Variants in TRERF1 observed in about 807,000 individuals in gnomAD.
TRERF1 encodes the protein transcriptional regulating factor 1.
A neutral mutation model predicts 122.9 loss-of-function variants in TRERF1; 27 were observed. The ratio of observed to expected loss-of-function variants is 0.22; its 90% CI spans 0.16 to 0.30. TRERF1 has a LOEUF of 0.30. Ranked by LOEUF, TRERF1 falls within the 10% of genes least tolerant of loss-of-function variation. TRERF1 has a pLI of 1.00. For missense variants in TRERF1, 1,248 were observed against 1,560.3 expected (o/e 0.80, Z 3.37); for synonymous variants, 636 against 641.7 (o/e 0.99, Z 0.13).
At chr6:42,264,810 T>G (rs774595813) in exon 7 of TRERF1, 4 of 1,614,196 alleles carry the variant, frequency 2.5e-6, no homozygotes, top group Non-Finnish European at 3.4e-6. Context: ...TGTCAGCTTG[T>G]TCTTGGCATC....
chr6:42,422,588 G>T (rs1284827405), intron 2 of TRERF1, among the ~76,000 whole-genome samples: 6 of 151,104 alleles, frequency 4.0e-5, no homozygotes, highest in Non-Finnish European at 8.8e-5. Flanking sequence ...GAACCATGCA[G>T]ATCTACTCTG....
At chr6:42,328,466 T>C (rs945651415) in intron 3 of TRERF1, among the ~76,000 whole-genome samples, 5 of 152,112 alleles carry the variant, frequency 3.3e-5, no homozygotes, top group Non-Finnish European at 7.4e-5. Flanking sequence ...TAGGAGGCAA[T>C]AGTTATTTTT....
intron 2 of TRERF1, among the ~76,000 whole-genome samples, chr6:42,390,987 G>T (rs1777639417): frequency 6.6e-6 from 1 of 152,188 alleles, no homozygotes; most frequent in Non-Finnish European, 1.5e-5. Flanking sequence ...AATGCTTTGT[G>T]AGTGGGACCC....
intron 10 of TRERF1, among the ~76,000 whole-genome samples, chr6:42,257,839 G>A (rs529149949): frequency 3.4e-4 from 52 of 152,254 alleles, no homozygotes; most frequent in Non-Finnish European, 7.1e-4. Flanking sequence ...TGAGCCACCC[G>A]GAGGGAGATG....
intron 12 of TRERF1, among the ~76,000 whole-genome samples, 154 bp downstream of exon 12, chr6:42,256,574 C>T (rs1482113742): frequency 1.3e-5 from 2 of 150,000 alleles, no homozygotes; most frequent in African/African-American, 4.9e-5. Flanking sequence ...ACATCCTGAC[C>T]TACCCACCGA....
chr6:42,287,040 G>T (rs1393949336), intron 4 of TRERF1, among the ~76,000 whole-genome samples: 4 of 146,440 alleles, frequency 2.7e-5, no homozygotes, highest in Admixed American at 6.8e-5. Context: ...ACTATCGCAA[G>T]AACAAAAAAA....
chr6:42,366,254 G>A (rs904498762), intron 2 of TRERF1, among the ~76,000 whole-genome samples: 5 of 152,186 alleles, frequency 3.3e-5, no homozygotes, highest in African/African-American at 7.2e-5. Context: ...GCAATGAATC[G>A]TGTATTGACA....
At chr6:42,270,768 C>CTTTTTTT in intron 4 of TRERF1, among the ~76,000 whole-genome samples, 1 of 119,622 alleles carries the variant, frequency 8.4e-6, no homozygotes, top group Non-Finnish European at 1.8e-5. Context: ...GACCTCATCT[C>CTTTTTTT]TTTTTTTTTT....
At chr6:42,299,711 A>G (rs932352163) in intron 4 of TRERF1, among the ~76,000 whole-genome samples, 1 of 152,252 alleles carries the variant, frequency 6.6e-6, no homozygotes, top group Admixed American at 6.5e-5. Flanking sequence ...TTGCAGAGAT[A>G]AAAATGTAAA....
rs1371834207 is a variant in TRERF1 at position 42,268,027 on chromosome 6, T to A, written c.1437+127A>T. On this transcript the variant is annotated intron_variant, in intron 5 of 17. Transcript: ENST00000372922. The surrounding 1 kb of genome is among the most constrained non-coding windows in gnomAD (Gnocchi z 4.4). ...CAGACAGTGCGTGACACATGTAGGT[T>A]AATGTTTGTGGAATTAGTAAAGAAC... 1.5e-5 allele frequency: 17 copies of A among 1,165,916 alleles called. No individual in the cohort carries two copies. The highest frequency in any genetic ancestry group is 1.9e-5 in the Non-Finnish European group (17 of 884,364). 72.2% of individuals were successfully genotyped at this position (1,165,916 alleles called of 1,614,324 possible).
At chr6:42,339,825 T>C (rs1162341382) in intron 3 of TRERF1, among the ~76,000 whole-genome samples, 1 of 152,238 alleles carries the variant, frequency 6.6e-6, no homozygotes, top group African/African-American at 2.4e-5. Flanking sequence ...ATCTGGACAC[T>C]ACCTGTGGCT....
chr6:42,445,060 G>A (rs1005430631), intron 2 of TRERF1, among the ~76,000 whole-genome samples: 7 of 152,092 alleles, frequency 4.6e-5, no homozygotes, highest in Non-Finnish European at 8.8e-5. Flanking sequence ...CCTGAGGTCA[G>A]GAGTTTGAGA....
In TRERF1 at chr6:42,250,576, C is replaced by G. The variant is rs75654091; in HGVS notation, c.2657-4032G>C. Among the ~76,000 whole-genome samples, 210 of 152,164 alleles carry G rather than the reference C, an allele frequency of 1.4e-3. 3 individuals carry two copies. The East Asian group carries it at 0.034, about 25-fold the overall frequency. Reference sequence around the variant, plus strand: ...GTGTTGCCTCAAATCCTCCCCTATCCTTCAACTACCCCCCACACCCTCCCT... The same window carrying G: ...GTGTTGCCTCAAATCCTCCCCTATCGTTCAACTACCCCCCACACCCTCCCT... On this transcript the variant is annotated intron_variant, in intron 13 of 17. Transcript: ENST00000372922.
chr6:42,289,554 A>C (rs1783939778), intron 4 of TRERF1, among the ~76,000 whole-genome samples: 1 of 152,218 alleles, frequency 6.6e-6, no homozygotes, highest in Non-Finnish European at 1.5e-5. Context: ...AACACTGAAA[A>C]TATAATGATA....
rs1386954379 is a variant in TRERF1, at chr6:42,276,715, T to C, written c.-258-6867A>G. Among the ~76,000 whole-genome samples, 5 of 152,238 alleles carry C rather than the reference T, an allele frequency of 3.3e-5. No individual in the cohort carries two copies. Among genetic ancestry groups the C allele is most frequent in the Admixed American group, 2.0e-4 (3 of 15,282 alleles). ...AATGACAGTGGTTAGCATCTAAATC[T>C]TCCTCCCTGCAGTGAGTGGTTTGCT... On this transcript the variant is annotated intron_variant, in intron 4 of 17. Coordinates refer to ENST00000372922, the Ensembl canonical transcript of TRERF1. The surrounding 1 kb of genome is among the most constrained non-coding windows in gnomAD (Gnocchi z 4.3).
chr6:42,390,153 C>G (rs1777475692), intron 2 of TRERF1, among the ~76,000 whole-genome samples: 1 of 152,230 alleles, frequency 6.6e-6, no homozygotes. Context: ...TTCCCCACGT[C>G]TTCGAGTACA....
intron 4 of TRERF1, among the ~76,000 whole-genome samples, chr6:42,271,565 T>C (rs1160019543): frequency 6.6e-6 from 1 of 152,160 alleles, no homozygotes; most frequent in African/African-American, 2.4e-5. Context: ...ATGTCGTATG[T>C]CAATTAAAAA....
At chr6:42,401,288 C>T (rs1779349050) in intron 2 of TRERF1, among the ~76,000 whole-genome samples, 1 of 152,158 alleles carries the variant, frequency 6.6e-6, no homozygotes, top group African/African-American at 2.4e-5. Context: ...TATCTCAACA[C>T]CCTTCTTTTC....
intron 5 of TRERF1, among the ~76,000 whole-genome samples, chr6:42,266,570 C>A (rs1779239840): frequency 6.6e-6 from 1 of 152,162 alleles, no homozygotes. Flanking sequence ...TGGTTCTGAA[C>A]CCCAGACAAA....
Sources: gnomAD v4.1 joint callset for allele counts (sites outside exome capture counted in the v4.1 genomes callset) on GRCh38, gnomAD v4.1.1 for gene constraint, Gnocchi (gnomAD v3.1) non-coding constraint, MANE v1.5 for transcripts, NCBI Gene and HGNC (gene_info 2026-07-23, HGNC 2026-07-21) for gene names.